Variants in FTO observed in about 807,000 individuals in gnomAD.
FTO encodes the protein alpha-ketoglutarate-dependent dioxygenase FTO.
A neutral mutation model predicts 63.9 loss-of-function variants in FTO; 47 were observed. The ratio of observed to expected loss-of-function variants is 0.74; its 90% confidence interval spans 0.58 to 0.94. The LOEUF (loss-of-function observed/expected upper bound fraction) is 0.94. Ranked by LOEUF, FTO falls within the 40% of genes least tolerant of loss-of-function variation. The pLI is 0.00. For synonymous variants in FTO, 207 were observed against 224.4 expected, an observed-to-expected ratio of 0.92 and a Z score of 0.69; for missense variants, 562 against 618.1, an observed-to-expected ratio of 0.91 and a Z score of 0.96.
In FTO at chr16:53,760,208, GT is replaced by G. The variant is rs1567962650; in HGVS notation, c.46-49931del. Among the ~76,000 whole-genome samples the G allele has an allele frequency of 9.4e-3, 126 of 13,452 alleles. 2 individuals are homozygous for G. Among genetic ancestry groups the G allele is most frequent in the South Asian group, 0.046 (11 of 238 alleles). The allele number at this position is 13,452 out of a possible 152,430, so 8.8% of individuals were successfully genotyped here. The stretch of plus-strand genomic sequence containing the variant: ...CTACCAGTTAGTCTTCAGCTTTGGT[GT>G]GTGTGTGTGTGTGTGTGTGTGTGTG... On this transcript the variant is annotated intron_variant, in intron 1 of 8. Transcript: ENST00000471389.
At chr16:53,873,765 T>C (rs778457167) in intron 4 of FTO, 21 bp from the exon 5 acceptor site, 2 of 1,595,844 alleles carry the variant, frequency 1.3e-6, no homozygotes, top group South Asian at 1.1e-5. Flanking sequence ...GTTTTATACA[T>C]TTCTGGTGTT....
rs912532255 is a variant in FTO, at chr16:54,121,516, C to T, written c.*9601C>T. 5 of 152,218 alleles carry T rather than the reference C, an allele frequency of 3.3e-5. No individual in the cohort carries two copies. The highest frequency in any genetic ancestry group is 3.3e-4 in the Admixed American group (5 of 15,276). 9.4% of individuals were successfully genotyped at this position (152,218 alleles called of 1,614,324 possible). On this transcript the variant is annotated 3_prime_UTR_variant, in exon 9 of 9. Coordinates refer to ENST00000471389, the MANE Select transcript of FTO (RefSeq NM_001080432.3). ...TTCCCACGGGGATGGAGAGCCACCT[C>T]CTCCCCGGCTTTCTGGTTCAGATGT...
chr16:54,092,017 C>T (rs2086395278), intron 8 of FTO, among the ~76,000 whole-genome samples: 1 of 152,236 alleles, frequency 6.6e-6, no homozygotes, highest in South Asian at 2.1e-4. Flanking sequence ...TAGCTTATGC[C>T]TGTAATCCCA....
At chr16:54,024,516 C>T (rs1263267941) in intron 8 of FTO, among the ~76,000 whole-genome samples, 1 of 152,152 alleles carries the variant, frequency 6.6e-6, no homozygotes, top group Non-Finnish European at 1.5e-5. Flanking sequence ...GTGTGAGTCA[C>T]CGCGCCCGGC....
chr16:54,095,273 T>C (rs1286800098), intron 8 of FTO, among the ~76,000 whole-genome samples: 1 of 152,224 alleles, frequency 6.6e-6, no homozygotes, highest in East Asian at 1.9e-4. Context: ...CTCCTGACCT[T>C]AAGGGAGCCT....
In FTO at chr16:54,048,522, G is replaced by A. The variant is rs373331618; in HGVS notation, c.1365-63240G>A. On this transcript the variant is annotated intron_variant, in intron 8 of 8. Transcript: ENST00000471389. ...TGACTTGCATACAGTTGGCACTTCT[G>A]TTCTTATTAGGATCAGAAAGAACAA... Among the ~76,000 whole-genome samples, 29 of 152,300 alleles carry A rather than the reference G, an allele frequency of 1.9e-4. No individual in the cohort carries two copies. In the South Asian group the frequency reaches 5.2e-3, roughly 27 times the overall value.
intron 1 of FTO, among the ~76,000 whole-genome samples, chr16:53,740,148 A>G (rs1008916348): frequency 7.2e-5 from 11 of 152,364 alleles, no homozygotes; most frequent in African/African-American, 2.6e-4. Flanking sequence ...AATGTTAACA[A>G]GAAGCACCAG....
At position 53,826,196 on chromosome 16, in the gene FTO, G is replaced by A. The variant is rs763990762; in HGVS notation, c.456G>A (p.Gln152=). The change falls in exon 3 of 9, where the codon CAG becomes CAA. Residue 152 remains glutamine (Q), a synonymous_variant. Transcript: ENST00000471389. ...ACTACCTGCAGATAGAAACCATCCAGGCTTTGGAAGAACTTGCTGCCAAAG... is the reference window on the plus strand; with the variant it reads ...ACTACCTGCAGATAGAAACCATCCAAGCTTTGGAAGAACTTGCTGCCAAAG... The part of the protein sequence containing the change: ...LNDYLQIETI[Q]ALEELAAKEK... The A allele has an allele frequency of 9.9e-6, 16 of 1,614,158 alleles. No individual in the cohort carries two copies. The highest frequency in any genetic ancestry group is 4.4e-5 in the South Asian group (4 of 91,078).
intron 1 of FTO, among the ~76,000 whole-genome samples, chr16:53,785,914 GAAA>G (rs764170371): frequency 6.8e-5 from 7 of 102,340 alleles, no homozygotes; most frequent in African/African-American, 2.2e-4. Flanking sequence ...ATCTCAAAAA[GAAA>G]AAAAAAAAAA....
At chr16:53,992,700 C>G (rs1329623507) in intron 8 of FTO, 1 of 152,080 alleles carries the variant, frequency 6.6e-6, no homozygotes, top group Non-Finnish European at 1.5e-5. Context: ...TATTGAGGAC[C>G]TGAGTTCCCC....
intron 8 of FTO, among the ~76,000 whole-genome samples, chr16:54,052,094 G>T (rs1303187398): frequency 6.6e-6 from 1 of 152,170 alleles, no homozygotes; most frequent in Non-Finnish European, 1.5e-5. Flanking sequence ...GGGTGAGGGT[G>T]TGCAAGATGG....
At chr16:53,930,591 A>C (rs1020338710) in intron 7 of FTO, among the ~76,000 whole-genome samples, 2 of 152,190 alleles carry the variant, frequency 1.3e-5, no homozygotes, top group African/African-American at 4.8e-5. Flanking sequence ...AAATGAGCCA[A>C]TTATCATAGT....
intron 8 of FTO, chr16:54,040,602 G>C (rs1359456102): frequency 6.6e-6 from 1 of 152,206 alleles, no homozygotes; most frequent in Non-Finnish European, 1.5e-5. Context: ...AGGCTTCTCT[G>C]AGAGGTGACA....
chr16:54,089,145 T>C (rs764545656), intron 8 of FTO, among the ~76,000 whole-genome samples: 1 of 152,160 alleles, frequency 6.6e-6, no homozygotes, highest in South Asian at 2.1e-4. Flanking sequence ...TTAATTGCCT[T>C]TGGGTTAGTG....
In FTO at chr16:53,844,171, T is replaced by A; in HGVS notation, c.768T>A (p.Ser256Arg). The change falls in exon 4 of 9, where the codon AGT becomes AGA. Residue 256 changes from serine (S) to arginine (R), a missense_variant. By Grantham distance (110) the Ser-to-Arg change is moderately radical (BLOSUM62 -1). Coordinates refer to ENST00000471389, the MANE Select transcript of FTO (RefSeq NM_001080432.3). ...TTTTGGCAGGCCCTGAAGAGGAAAG[T>A]GAGGATGACTCTCATCTCGAAGGCA... The part of the protein sequence containing the change: ...SYSCEGPEEE[S>R]EDDSHLEGRD... 6.2e-7 allele frequency: 1 copy of A among 1,613,958 alleles called. No homozygotes were observed. The highest frequency in any genetic ancestry group is 8.5e-7 in the Non-Finnish European group (1 of 1,179,844).
rs539420746 is a variant in FTO, at chr16:53,848,792, G to A, written c.895+4494G>A. Among the ~76,000 whole-genome samples, 39 of 152,280 alleles carry A rather than the reference G, an allele frequency of 2.6e-4. 1 individual carries two copies. In the South Asian group the frequency reaches 7.3e-3, roughly 28 times the overall value. On this transcript the variant is annotated intron_variant, in intron 4 of 8. Coordinates refer to ENST00000471389, the MANE Select transcript of FTO (RefSeq NM_001080432.3). ...ATTATGTTTATTAACCAGGAGCTGG[G>A]TGTGGAGGTGGGATGTTTCAGGACA...
chr16:53,773,492 A>G (rs1246605132), intron 1 of FTO, among the ~76,000 whole-genome samples: 1 of 152,170 alleles, frequency 6.6e-6, no homozygotes, highest in Non-Finnish European at 1.5e-5. Flanking sequence ...TAACGCCCTG[A>G]AACATGCACC....
At chr16:53,932,521 C>T (rs2082308375) in intron 7 of FTO, among the ~76,000 whole-genome samples, 1 of 151,856 alleles carries the variant, frequency 6.6e-6, no homozygotes, top group Non-Finnish European at 1.5e-5. Context: ...TCCTGAGTAG[C>T]TGTTATTATA....
Position 53,826,369 on chromosome 16 carries a change from A to G in FTO, c.629A>G (p.Gln210Arg), listed in dbSNP as rs779165603. ...NVTLLNFMDP[Q>R]KMPYLKEEPY... ...ACTTTGCTGAATTTCATGGATCCTC[A>G]GAAAATGCCATACCTGAAAGAGGAA... The change falls in exon 3 of 9, where the codon CAG becomes CGG. Residue 210 changes from glutamine to arginine, a missense_variant. Transcript: ENST00000471389. 3 of 1,614,228 alleles carry G rather than the reference A, an allele frequency of 1.9e-6. No homozygotes were observed. Among genetic ancestry groups the G allele is most frequent in the Non-Finnish European group, 2.5e-6 (3 of 1,180,042 alleles).
Sources: allele counts gnomAD v4.1 joint callset (sites outside exome capture counted in the v4.1 genomes callset), GRCh38; gene constraint gnomAD v4.1.1; transcripts MANE v1.5; gene names NCBI Gene and HGNC (gene_info 2026-07-23, HGNC 2026-07-21).